Variants in SLC8A1 observed in about 807,000 individuals in gnomAD.
SLC8A1 encodes solute carrier family 8 member A1, also known as sodium/calcium exchanger 1.
SLC8A1 carries 18 observed loss-of-function variants against 68.3 expected under a neutral mutation model. That is an observed-to-expected ratio of 0.26 (90% CI 0.18 to 0.39). The LOEUF is 0.39. Ranked by LOEUF, SLC8A1 falls within the 10% of genes least tolerant of loss-of-function variation. The probability of loss-of-function intolerance (pLI) is 1.00; values close to 1 mark genes in which losing one functional copy is unlikely to be tolerated. For synonymous variants in SLC8A1, 475 were observed against 415.5 expected (o/e 1.14, Z -1.74); for missense variants, 985 against 1,156.7 (o/e 0.85, Z 2.15).
chr2:40,172,146 A>T (rs751960824), intron 4 of SLC8A1, among the ~76,000 whole-genome samples: 7 of 152,240 alleles, frequency 4.6e-5, no homozygotes, highest in Non-Finnish European at 8.8e-5. Context: ...CAAGAAAAAA[A>T]GTTCTTTAGG....
intron 1 of SLC8A1, among the ~76,000 whole-genome samples, chr2:40,485,039 G>C (rs1364768279): frequency 6.6e-6 from 1 of 152,100 alleles, no homozygotes; most frequent in Non-Finnish European, 1.5e-5. Flanking sequence ...TAAAGAATAA[G>C]AGCTTGCTGG....
intron 1 of SLC8A1, among the ~76,000 whole-genome samples, chr2:40,430,995 A>G (rs1698153236): frequency 6.6e-6 from 1 of 152,204 alleles, no homozygotes; most frequent in Non-Finnish European, 1.5e-5. Context: ...CTATAATGCA[A>G]TATTTCCACA....
chr2:40,460,354 T>C (rs1326050265), intron 1 of SLC8A1, among the ~76,000 whole-genome samples: 1 of 152,200 alleles, frequency 6.6e-6, no homozygotes, highest in Admixed American at 6.5e-5. Context: ...ATCTGTTGAA[T>C]AAATGATGCA....
At chr2:40,230,168 G>C (rs763310874) in intron 2 of SLC8A1, among the ~76,000 whole-genome samples, 1 of 152,132 alleles carries the variant, frequency 6.6e-6, no homozygotes, top group Non-Finnish European at 1.5e-5. Flanking sequence ...GATAAGTACT[G>C]AATTATAGGA....
At chr2:40,405,349 T>A (rs1436472766) in intron 2 of SLC8A1, among the ~76,000 whole-genome samples, 1 of 152,164 alleles carries the variant, frequency 6.6e-6, no homozygotes, top group Non-Finnish European at 1.5e-5. Context: ...TGGGAAACAT[T>A]ATGGATCAAA....
chr2:40,342,430 G>C (rs1667989227), intron 2 of SLC8A1, among the ~76,000 whole-genome samples: 1 of 152,114 alleles, frequency 6.6e-6, no homozygotes, highest in African/African-American at 2.4e-5. Context: ...TGTTGTTGTA[G>C]AGATAATTAG....
intron 3 of SLC8A1, among the ~76,000 whole-genome samples, chr2:40,176,289 G>A (rs909036619): frequency 6.6e-6 from 1 of 152,102 alleles, no homozygotes; most frequent in Non-Finnish European, 1.5e-5. Context: ...ACTGGATAGT[G>A]CTATTAAGGA....
intron 1 of SLC8A1, among the ~76,000 whole-genome samples, chr2:40,436,693 T>C (rs1245864215): frequency 6.6e-6 from 1 of 152,082 alleles, no homozygotes; most frequent in Admixed American, 6.6e-5. Context: ...TCACCTTCAT[T>C]GTAGAGGCCC....
intron 7 of SLC8A1, 104 bp downstream of exon 10, chr2:40,139,297 G>C: frequency 7.7e-7 from 1 of 1,290,524 alleles, no homozygotes; most frequent in South Asian, 1.4e-5. Flanking sequence ...TCTTTCATAG[G>C]TCTTGGTTTG....
Position 40,119,334 on chromosome 2 carries a change from TAA to T in SLC8A1, c.2438-3707_2438-3706del, listed in dbSNP as rs10713257. On this transcript the variant is annotated intron_variant, in intron 7 of 7. Coordinates refer to ENST00000406785, the Ensembl canonical transcript of SLC8A1. ...TTTTATTTTCAATTCAAAAGCAATG[TAA>T]AAAAAAAAAAAATTGCAGGAACACA... 6.5e-3 allele frequency among the ~76,000 whole-genome samples: 964 copies of T among 148,290 alleles called. 29 individuals are homozygous for T. The East Asian group carries it at 0.092, about 14-fold the overall frequency.
intron 1 of SLC8A1, among the ~76,000 whole-genome samples, chr2:40,473,000 G>A (rs1704077192): frequency 2.7e-5 from 4 of 147,474 alleles, no homozygotes; most frequent in Admixed American, 2.1e-4. Context: ...AGATAACTCA[G>A]ATTTGGAAGT....
chr2:40,423,200 T>C (rs1022889109), intron 2 of SLC8A1, among the ~76,000 whole-genome samples: 2 of 152,088 alleles, frequency 1.3e-5, no homozygotes, highest in Non-Finnish European at 2.9e-5. Flanking sequence ...AAACTGCCCA[T>C]ACTCTTAGAT....
At chr2:40,312,509 A>G (rs1031578002) in intron 2 of SLC8A1, among the ~76,000 whole-genome samples, 16 of 152,214 alleles carry the variant, frequency 1.1e-4, no homozygotes, top group African/African-American at 3.8e-4. Context: ...ACAAATTATA[A>G]AAGTATAAAG....
intron 2 of SLC8A1, among the ~76,000 whole-genome samples, chr2:40,259,374 C>T (rs561736098): frequency 1.8e-4 from 27 of 152,346 alleles, no homozygotes; most frequent in African/African-American, 6.5e-4. Context: ...AAGTCCTACC[C>T]TCTAGATATT....
rs887787268 is a variant in SLC8A1 at position 40,344,246 on chromosome 2, G to C, written c.1808+84227C>G. 2.0e-5 allele frequency among the ~76,000 whole-genome samples: 3 copies of C among 152,296 alleles called. 1 individual carries two copies. Among genetic ancestry groups the C allele is most frequent in the South Asian group, 4.2e-4 (2 of 4,816 alleles). On this transcript the variant is annotated intron_variant, in intron 2 of 7. Transcript: ENST00000406785. ...ATCTAAGTTAACTCCTTTCTCCTGA[G>C]ACAATGCAAAGGAGGAGGCTCTGCT...
chr2:40,358,418 T>G (rs1249085652), intron 2 of SLC8A1, among the ~76,000 whole-genome samples: 1 of 152,180 alleles, frequency 6.6e-6, no homozygotes, highest in African/African-American at 2.4e-5. Flanking sequence ...TTCAGGTACT[T>G]AGGAACATAA....
At chr2:40,455,759 G>A (rs1402248353), upstream of SLC8A1, among the ~76,000 whole-genome samples, 2 of 152,178 alleles carry the variant, frequency 1.3e-5, no homozygotes, top group Admixed American at 1.3e-4. Context: ...CTTCCCTGGA[G>A]ACTTGTTCCT....
intron 7 of SLC8A1, among the ~76,000 whole-genome samples, chr2:40,136,476 C>G (rs1161383138): frequency 6.6e-6 from 1 of 152,128 alleles, no homozygotes; most frequent in African/African-American, 2.4e-5. Flanking sequence ...TTTTCAATGT[C>G]CGTCTGGCCT....
At position 40,170,437 on chromosome 2, in the gene SLC8A1, C is replaced by T. The variant is rs1181024029; in HGVS notation, c.1930+4388G>A. 4 of 1,055,738 alleles carry T rather than the reference C, an allele frequency of 3.8e-6. No homozygotes were observed. In the African/African-American group the frequency reaches 4.7e-5, roughly 12 times the overall value. The allele number at this position is 1,055,738 out of a possible 1,614,324, so 65.4% of individuals were successfully genotyped here. A position where few individuals can be genotyped will look rare whatever the true frequency, so the allele number is the denominator to read the frequency against. Reference sequence around the variant, plus strand: ...TGTGGAATTAGTAAGCTAAACATCACACCCAGATGCACACATCACAAGCAA... The same window carrying T: ...TGTGGAATTAGTAAGCTAAACATCATACCCAGATGCACACATCACAAGCAA... On this transcript the variant is annotated intron_variant, in intron 4 of 7. Transcript: ENST00000406785.
Sources: gnomAD v4.1 joint callset for allele counts (sites outside exome capture counted in the v4.1 genomes callset) on GRCh38, gnomAD v4.1.1 for gene constraint, MANE v1.5 for transcripts, NCBI Gene and HGNC (gene_info 2026-07-23, HGNC 2026-07-21) for gene names.